FBLN7: variants seen among roughly 807,000 people sequenced by gnomAD.
FBLN7 encodes fibulin-7.
In FBLN7, 31 loss-of-function variants were observed where a neutral mutation model predicts 44.0. The observed-to-expected ratio is 0.70, with a 90% CI of 0.53 to 0.95. FBLN7 has a LOEUF of 0.95. FBLN7 is among the 40% of genes least tolerant of loss of function. The pLI is 0.00. For synonymous variants in FBLN7, 262 were observed against 253.4 expected (o/e 1.03, Z -0.32); for missense variants, 573 against 618.5 (o/e 0.93, Z 0.78).
intron 2 of FBLN7, among the ~76,000 whole-genome samples, chr2:112,164,635 C>A (rs1682044856): frequency 6.6e-6 from 1 of 152,184 alleles, no homozygotes; most frequent in Non-Finnish European, 1.5e-5. Context: ...CTGAGCCCGG[C>A]CTGTTCAGGA....
chr2:112,222,183 T>G, the FBLN7 span, among the ~76,000 whole-genome samples: 2 of 152,196 alleles, frequency 1.3e-5, no homozygotes, highest in African/African-American at 4.8e-5. Context: ...TTGTTGAGTG[T>G]TCTTGTCCAT....
In FBLN7 at chr2:112,160,663, CGCACACGCACACGCAG is replaced by C. The variant is rs1558879514; in HGVS notation, c.235+829_235+844del. Reference sequence around the variant, plus strand: ...ACACACACGCGCACGCACACGCGCACGCACACGCACACGCAGACGCACGCACACGCACACACGCACG... The same window carrying C: ...ACACACACGCGCACGCACACGCGCACACGCACGCACACGCACACACGCACG... On this transcript the variant is annotated intron_variant, in intron 2 of 7. Transcript: ENST00000331203. 5.5e-4 allele frequency among the ~76,000 whole-genome samples: 79 copies of C among 143,208 alleles called. No homozygotes were observed. In the South Asian group the frequency reaches 0.01, roughly 18 times the overall value. 94.0% of individuals were successfully genotyped at this position (143,208 alleles called of 152,430 possible).
At chr2:112,211,769 T>G in the FBLN7 span, 1 of 152,184 alleles carries the variant, frequency 6.6e-6, no homozygotes, top group African/African-American at 2.4e-5. Flanking sequence ...TTTTCTTTCA[T>G]GCCTCCAAGA....
At position 112,175,707 on chromosome 2, in the gene FBLN7, T is replaced by A; in HGVS notation, c.407-7T>A. On this transcript the variant is annotated splice_polypyrimidine_tract_variant and splice_region_variant and intron_variant, in intron 3 of 7. Transcript: ENST00000331203. ...TCCGTATATTTGAAAATTATTTATC[T>A]TCCTAGGTATCAGTGAATGCTCCAG... 2 of 1,613,912 alleles carry A rather than the reference T, an allele frequency of 1.2e-6. No homozygotes were observed. The highest frequency in any genetic ancestry group is 1.7e-6 in the Non-Finnish European group (2 of 1,179,930).
In FBLN7 at chr2:112,156,077, C is replaced by T. The variant is rs74655631; in HGVS notation, c.76-3599C>T. Among the ~76,000 whole-genome samples, 771 of 152,332 alleles carry T rather than the reference C, an allele frequency of 5.1e-3. 28 individuals are homozygous for T. In the East Asian group the frequency reaches 0.089, roughly 18 times the overall value. ...TCGCCTGGCTGGATGTGGGCAAGGACGTCTCCTCCACCTTCCCTTCACGCT... is the reference window on the plus strand; with the variant it reads ...TCGCCTGGCTGGATGTGGGCAAGGATGTCTCCTCCACCTTCCCTTCACGCT... On this transcript the variant is annotated intron_variant, in intron 1 of 7. Transcript: ENST00000331203.
At chr2:112,230,450 T>C in the FBLN7 span, among the ~76,000 whole-genome samples, 66 of 152,250 alleles carry the variant, frequency 4.3e-4, 1 homozygote, top group East Asian at 0.012. Flanking sequence ...TAAATATTCA[T>C]TAATAGTAGA....
At chr2:112,225,528 C>G in the FBLN7 span, among the ~76,000 whole-genome samples, 1 of 152,150 alleles carries the variant, frequency 6.6e-6, no homozygotes, top group Non-Finnish European at 1.5e-5. Context: ...CTCAATGTCA[C>G]AAAGCTGGCC....
chr2:112,144,864 G>A (rs1479481070), intron 1 of FBLN7, among the ~76,000 whole-genome samples: 2 of 152,272 alleles, frequency 1.3e-5, no homozygotes, highest in African/African-American at 4.8e-5. Flanking sequence ...AACAACCACC[G>A]TGGTGTCATT....
downstream of FBLN7, among the ~76,000 whole-genome samples, chr2:112,192,337 C>T (rs978222786): frequency 2.6e-5 from 4 of 152,122 alleles, no homozygotes; most frequent in African/African-American, 4.8e-5. Context: ...GCCCCAGTGA[C>T]GCCTCCAGTT....
At chr2:112,236,605 T>C in the FBLN7 span, 3 of 1,614,040 alleles carry the variant, frequency 1.9e-6, no homozygotes, top group Non-Finnish European at 2.5e-6. Flanking sequence ...ATTTGATCCT[T>C]TGTTTCCAGG....
the FBLN7 span, among the ~76,000 whole-genome samples, chr2:112,204,124 C>G: frequency 3.3e-5 from 5 of 151,588 alleles, no homozygotes; most frequent in Non-Finnish European, 7.4e-5. Context: ...GAGATAGAAA[C>G]TTTTTAAAAA....
rs757004060 is a variant in FBLN7, at chr2:112,187,670, G to A, written c.*164G>A. On this transcript the variant is annotated 3_prime_UTR_variant, in exon 8 of 8. Transcript: ENST00000331203. This position sits in a 1 kb window ranked among gnomAD's most constrained non-coding sequence, Gnocchi z 5.1. ...TGCACGGCGCCCCATGGAATAGCAC[G>A]GAAGAGCAGCCACAAAACTCAACTG... The A allele has an allele frequency of 1.2e-4, 106 of 892,810 alleles. No homozygotes were observed. Among genetic ancestry groups the A allele is most frequent in the South Asian group, 4.6e-4 (26 of 57,066 alleles). 55.3% of individuals were successfully genotyped at this position (892,810 alleles called of 1,614,324 possible).
At position 112,187,236 on chromosome 2, in the gene FBLN7, G is replaced by A. The variant is rs140504449; in HGVS notation, c.1050G>A (p.Thr350=). The part of the protein sequence containing the change: ...HYLSLPSNLK[T]PITLFRMATA... ...TCTCTCTGCCTTCCAACCTGAAGAC[G>A]CCCATCACGCTCTTCCGCATGGCCA... is the stretch of plus-strand genomic sequence containing the variant. Residue 350 remains threonine, a synonymous_variant, in exon 8 of 8, where the codon ACG becomes ACA. Coordinates refer to ENST00000331203, the MANE Select transcript of FBLN7 (RefSeq NM_153214.3). The surrounding 1 kb of genome is among the most constrained non-coding windows in gnomAD (Gnocchi z 5.1). 161 of 1,613,856 alleles carry A rather than the reference G, an allele frequency of 1.0e-4. No individual in the cohort carries two copies. Among genetic ancestry groups the A allele is most frequent in the Non-Finnish European group, 1.2e-4 (145 of 1,180,000 alleles).
intron 3 of FBLN7, among the ~76,000 whole-genome samples, chr2:112,171,731 C>T (rs1320688809): frequency 6.6e-6 from 1 of 151,994 alleles, no homozygotes; most frequent in Non-Finnish European, 1.5e-5. Flanking sequence ...TTTTCATTAC[C>T]TCTTCTTTCT....
the FBLN7 span, among the ~76,000 whole-genome samples, chr2:112,243,265 T>C: frequency 6.6e-6 from 1 of 152,228 alleles, no homozygotes; most frequent in Non-Finnish European, 1.5e-5. Flanking sequence ...CATTTAACTA[T>C]GCAACTGAGG....
intron 2 of FBLN7, among the ~76,000 whole-genome samples, chr2:112,160,792 GCACACACGCACGCA>G (rs1479006860): frequency 1.5e-5 from 2 of 132,004 alleles, no homozygotes; most frequent in Non-Finnish European, 3.3e-5. Context: ...GCACGCACAC[GCACACACGCACGCA>G]CACACACGCA....
At chr2:112,235,315 C>A in the FBLN7 span, among the ~76,000 whole-genome samples, 1 of 152,094 alleles carries the variant, frequency 6.6e-6, no homozygotes, top group South Asian at 2.1e-4. Flanking sequence ...TTATTAAATT[C>A]TATATATATG....
chr2:112,177,272 G>A (rs773966048), intron 4 of FBLN7: 5 of 152,190 alleles, frequency 3.3e-5, no homozygotes, highest in African/African-American at 9.7e-5. Context: ...GGTCCAGGGG[G>A]GCCTGTTATA....
At chr2:112,188,954 G>C (rs987840237), downstream of FBLN7, 3 of 152,236 alleles carry the variant, frequency 2.0e-5, no homozygotes, top group African/African-American at 7.2e-5. Flanking sequence ...TGGGCCAGAA[G>C]CCTGCACACC....
Sources: gnomAD v4.1 joint callset for allele counts (sites outside exome capture counted in the v4.1 genomes callset) on GRCh38, gnomAD v4.1.1 for gene constraint, Gnocchi (gnomAD v3.1) non-coding constraint, MANE v1.5 for transcripts, NCBI Gene and HGNC (gene_info 2026-07-23, HGNC 2026-07-21) for gene names.